MYO9A: variants seen among roughly 807,000 people sequenced by gnomAD.
The protein encoded by MYO9A is unconventional myosin-IXa.
MYO9A carries 103 observed loss-of-function variants against 293.3 expected under a neutral mutation model. The ratio of observed to expected loss-of-function variants is 0.35; its 90% CI spans 0.30 to 0.41. The LOEUF is 0.41. Among genes scored for constraint, MYO9A ranks in the 10% least tolerant of loss-of-function variants. MYO9A has a pLI of 1.00. For missense variants in MYO9A, 2,685 were observed against 3,033.0 expected (o/e 0.89, Z 2.69); for synonymous variants, 1,001 against 1,035.7 (o/e 0.97, Z 0.64).
intron 4 of MYO9A, among the ~76,000 whole-genome samples, chr15:72,026,782 T>C (rs953415416): frequency 2.0e-5 from 3 of 151,946 alleles, no homozygotes; most frequent in Non-Finnish European, 4.4e-5. Flanking sequence ...CAATCTTACA[T>C]AAACAAAAAA....
chr15:71,828,349 A>G (rs1394503254), intron 40 of MYO9A, among the ~76,000 whole-genome samples: 3 of 152,210 alleles, frequency 2.0e-5, no homozygotes, highest in African/African-American at 7.2e-5. Flanking sequence ...AACCTTGTTC[A>G]TAATATCCAT....
intron 1 of MYO9A, among the ~76,000 whole-genome samples, chr15:72,113,657 C>G (rs1167273916): frequency 6.6e-6 from 1 of 152,068 alleles, no homozygotes; most frequent in Non-Finnish European, 1.5e-5. Flanking sequence ...TGCTCACAAC[C>G]CCATTTTGCG....
intron 4 of MYO9A, among the ~76,000 whole-genome samples, chr15:72,023,737 C>G (rs2077576864): frequency 6.8e-6 from 1 of 146,172 alleles, no homozygotes; most frequent in Admixed American, 6.8e-5. Context: ...GGCTCCTATA[C>G]TGGGGGTTCT....
In MYO9A at chr15:72,108,762, A is replaced by ATTTTTTTTTTTTTT; in HGVS notation, c.-72+8904_-72+8917dup. Among the ~76,000 whole-genome samples, 8 of 139,242 alleles carry ATTTTTTTTTTTTTT rather than the reference A, an allele frequency of 5.7e-5. 4 individuals carry two copies. The highest frequency in any genetic ancestry group is 5.4e-5 in the African/African-American group (2 of 37,374). 91.3% of individuals were successfully genotyped at this position (139,242 alleles called of 152,430 possible). ...GCAGTAAACTTGTCATGACACATAC[A>ATTTTTTTTTTTTTT]TTTTTTTTTTTTTTTTTGAGACAGA... On this transcript the variant is annotated intron_variant, in intron 1 of 41. Coordinates refer to ENST00000356056, the MANE Select transcript of MYO9A (RefSeq NM_006901.4).
intron 38 of MYO9A, 110 bp downstream of exon 38, chr15:71,849,924 CTT>C: frequency 1.0e-6 from 1 of 959,198 alleles, no homozygotes; most frequent in Non-Finnish European, 1.5e-6. Flanking sequence ...CAACAATCTT[CTT>C]AAAAACACCT....
At chr15:72,110,306 G>A (rs1363602710) in intron 1 of MYO9A, among the ~76,000 whole-genome samples, 10 of 149,604 alleles carry the variant, frequency 6.7e-5, no homozygotes, top group African/African-American at 9.8e-5. Context: ...CACGGTGGCA[G>A]GCACCTGTAA....
chr15:72,079,656 T>C (rs1328587603), intron 1 of MYO9A, among the ~76,000 whole-genome samples: 1 of 152,102 alleles, frequency 6.6e-6, no homozygotes, highest in East Asian at 1.9e-4. Context: ...AACACTACTG[T>C]GAAGGGAATG....
chr15:72,047,089 A>G (rs112312726), intron 1 of MYO9A, among the ~76,000 whole-genome samples: 2 of 152,228 alleles, frequency 1.3e-5, no homozygotes, highest in African/African-American at 4.8e-5. Flanking sequence ...AAAATTTTGT[A>G]AAATTTGTTA....
intron 18 of MYO9A, among the ~76,000 whole-genome samples, chr15:71,925,224 C>T (rs1459297659): frequency 3.0e-5 from 2 of 67,786 alleles, no homozygotes; most frequent in African/African-American, 1.1e-4. Context: ...TATATATACA[C>T]ATATATACAC....
intron 15 of MYO9A, among the ~76,000 whole-genome samples, chr15:71,948,402 A>G (rs908284163): frequency 3.9e-5 from 6 of 152,230 alleles, no homozygotes; most frequent in African/African-American, 1.4e-4. Context: ...CCTATGACCT[A>G]TGAATGGCTT....
chr15:72,099,635 G>A (rs555786752), intron 1 of MYO9A, among the ~76,000 whole-genome samples: 1 of 151,888 alleles, frequency 6.6e-6, no homozygotes, highest in Admixed American at 6.6e-5. Context: ...GGGCGCGGTG[G>A]CTCATGCCTG....
intron 1 of MYO9A, among the ~76,000 whole-genome samples, chr15:72,058,192 A>G (rs532238848): frequency 6.6e-6 from 1 of 152,352 alleles, no homozygotes; most frequent in South Asian, 2.1e-4. Context: ...GAATAGTGGG[A>G]GATAGCTGTA....
At chr15:72,066,259 C>A (rs919734629) in intron 1 of MYO9A, among the ~76,000 whole-genome samples, 2 of 152,062 alleles carry the variant, frequency 1.3e-5, no homozygotes, top group African/African-American at 4.8e-5. Flanking sequence ...GAGGCCAAAG[C>A]GGGTGGATCA....
At position 72,117,731 on chromosome 15, in the gene MYO9A, T is replaced by G; in HGVS notation, c.-123A>C. ...CAGCCCCCTCCTCTTCGACGGAAGCTGCCTTCCACCCTCCGCCCCAGGGTA... is the reference window on the plus strand; with the variant it reads ...CAGCCCCCTCCTCTTCGACGGAAGCGGCCTTCCACCCTCCGCCCCAGGGTA... On this transcript the variant is annotated 5_prime_UTR_variant, in exon 1 of 42. Transcript: ENST00000356056. The G allele has an allele frequency of 2.5e-6, 1 of 397,386 alleles. No individual in the cohort carries two copies. The highest frequency in any genetic ancestry group is 4.4e-6 in the Non-Finnish European group (1 of 225,084). 24.6% of individuals were successfully genotyped at this position (397,386 alleles called of 1,614,324 possible).
intron 15 of MYO9A, among the ~76,000 whole-genome samples, chr15:71,943,790 C>T (rs1295606595): frequency 6.6e-6 from 1 of 152,090 alleles, no homozygotes; most frequent in African/African-American, 2.4e-5. Context: ...AAACAGTATG[C>T]TTTGAGGATA....
intron 1 of MYO9A, among the ~76,000 whole-genome samples, chr15:72,110,264 C>T (rs1322856304): frequency 1.3e-5 from 2 of 151,652 alleles, no homozygotes; most frequent in African/African-American, 4.8e-5. Flanking sequence ...GGCAAAACCC[C>T]ATCTCTACTA....
chr15:71,930,658 T>C (rs2058450435), intron 18 of MYO9A, among the ~76,000 whole-genome samples: 1 of 152,148 alleles, frequency 6.6e-6, no homozygotes, highest in Non-Finnish European at 1.5e-5. Flanking sequence ...ATTCAGGCAC[T>C]CTGTGGCTTT....
intron 11 of MYO9A, among the ~76,000 whole-genome samples, chr15:71,985,874 A>T (rs2076395849): frequency 6.6e-6 from 1 of 152,246 alleles, no homozygotes. Context: ...AACTTGCTAG[A>T]TTATGAGCTC....
chr15:71,836,046 C>T (rs372064368), intron 39 of MYO9A, among the ~76,000 whole-genome samples: 1 of 151,914 alleles, frequency 6.6e-6, no homozygotes, highest in African/African-American at 2.4e-5. Context: ...TGATTAACAA[C>T]ATTAAAATCC....
Sources: gnomAD v4.1 joint callset for allele counts (sites outside exome capture counted in the v4.1 genomes callset) on GRCh38, gnomAD v4.1.1 for gene constraint, MANE v1.5 for transcripts, NCBI Gene and HGNC (gene_info 2026-07-23, HGNC 2026-07-21) for gene names.